RBM6: variants seen among roughly 807,000 people sequenced by gnomAD.
RBM6 encodes the protein RNA-binding protein 6.
Under a neutral mutation model 140.4 loss-of-function variants are expected in RBM6, and 23 were observed. That is an observed-to-expected ratio of 0.16 (90% CI 0.12 to 0.23). The LOEUF (loss-of-function observed/expected upper bound fraction) is 0.23. Ranked by LOEUF, RBM6 falls within the 10% of genes least tolerant of loss-of-function variation. The pLI is 1.00. For synonymous variants in RBM6, 439 were observed against 475.6 expected, an observed-to-expected ratio of 0.92 and a Z score of 1.00; for missense variants, 1,139 against 1,386.7, an observed-to-expected ratio of 0.82 and a Z score of 2.84.
intron 6 of RBM6, among the ~76,000 whole-genome samples, chr3:50,033,227 G>A (rs757938880): frequency 6.6e-6 from 1 of 152,120 alleles, no homozygotes; most frequent in Admixed American, 6.6e-5. Context: ...AACCCGGGAG[G>A]CAGAGGTTGC....
intron 1 of RBM6, among the ~76,000 whole-genome samples, chr3:49,948,514 A>C (rs940003996): frequency 2.6e-5 from 4 of 151,970 alleles, no homozygotes; most frequent in Admixed American, 2.0e-4. Context: ...AGAGATCGAG[A>C]CCATCCTGGC....
At chr3:50,075,372 A>G (rs1409653705) in intron 20 of RBM6, 42 bp downstream of exon 20, 2 of 1,597,614 alleles carry the variant, frequency 1.3e-6, no homozygotes, top group Non-Finnish European at 1.7e-6. Flanking sequence ...ATGAACCTGG[A>G]ATGTAATTAA....
intron 20 of RBM6, 65 bp from the exon 21 acceptor site, chr3:50,076,943 C>G: frequency 2.0e-6 from 3 of 1,499,086 alleles, no homozygotes; most frequent in Non-Finnish European, 2.7e-6. Flanking sequence ...TGCCTGTGGT[C>G]AAAGACCAGC....
At chr3:50,070,678 C>T in intron 19 of RBM6, 126 bp downstream of exon 19, 4 of 702,096 alleles carry the variant, frequency 5.7e-6, no homozygotes, top group Non-Finnish European at 9.9e-6. Context: ...GTCTGAACTG[C>T]TAAAACATGA....
At position 50,057,781 on chromosome 3, in the gene RBM6, A is replaced by C. The variant is rs773583468; in HGVS notation, c.1747A>C (p.Ile583Leu). The C allele has an allele frequency of 6.8e-6, 11 of 1,613,650 alleles. No individual in the cohort carries two copies. The East Asian group carries it at 2.5e-4, about 36-fold the overall frequency. ...ITYPQPQKTSIPAPLEKQPNQ... is the reference protein window; with the variant it reads ...ITYPQPQKTSLPAPLEKQPNQ... ...CTACCCTCAGCCTCAGAAAACATCC[A>C]TACCAGCACCATTGGAAAAACAGCC... The change falls in exon 9 of 21, where the codon ATA (isoleucine) becomes CTA (leucine). Residue 583 changes from isoleucine to leucine, a missense_variant. Coordinates refer to ENST00000266022, the MANE Select transcript of RBM6 (RefSeq NM_005777.3).
In RBM6 at chr3:49,962,697, A is replaced by G. The variant is rs746686825; in HGVS notation, c.44+12A>G. The stretch of plus-strand genomic sequence containing the variant: ...ACTGGACCTTTTCGGTAAGTTCTCA[A>G]ATTTGAATATTGAAATTGCCAGTAT... On this transcript the variant is annotated intron_variant, in intron 2 of 20. Coordinates refer to ENST00000266022, the MANE Select transcript of RBM6 (RefSeq NM_005777.3). 9.6e-6 allele frequency: 15 copies of G among 1,564,040 alleles called. No homozygotes were observed.
chr3:50,037,912 C>T (rs2088641945), intron 6 of RBM6, among the ~76,000 whole-genome samples: 1 of 151,506 alleles, frequency 6.6e-6, no homozygotes, highest in South Asian at 2.1e-4. Flanking sequence ...CCCTCCACCT[C>T]CCAGGTTCAG....
chr3:49,986,457 T>C (rs561074642), intron 5 of RBM6, among the ~76,000 whole-genome samples: 1 of 151,502 alleles, frequency 6.6e-6, no homozygotes, highest in African/African-American at 2.4e-5. Context: ...TAGCCGGGCA[T>C]GGTGGCGGGC....
chr3:50,050,019 G>A (rs2108885393), intron 7 of RBM6, among the ~76,000 whole-genome samples: 1 of 149,664 alleles, frequency 6.7e-6, no homozygotes, highest in African/African-American at 2.5e-5. Context: ...TCTTTTTTTT[G>A]AGACAGGATC....
intron 1 of RBM6, among the ~76,000 whole-genome samples, chr3:49,953,037 T>C (rs1282125147): frequency 6.6e-6 from 1 of 150,918 alleles, no homozygotes; most frequent in Non-Finnish European, 1.5e-5. Flanking sequence ...CATGAGCCAA[T>C]GTGCGCAGCT....
intron 1 of RBM6, among the ~76,000 whole-genome samples, chr3:49,947,725 A>G (rs1461068837): frequency 6.6e-6 from 1 of 152,128 alleles, no homozygotes; most frequent in Non-Finnish European, 1.5e-5. Flanking sequence ...TCTTTGATCC[A>G]ATTTGAGTTA....
intron 17 of RBM6, 124 bp from the exon 18 acceptor site, chr3:50,068,566 C>G (rs2090190360): frequency 6.4e-6 from 5 of 781,834 alleles, no homozygotes; most frequent in Non-Finnish European, 8.2e-6. Flanking sequence ...ATACAGTGAT[C>G]ATTTAGTAGA....
At chr3:50,048,223 G>A in intron 6 of RBM6, 22 bp from the exon 7 acceptor site, 2 of 1,610,468 alleles carry the variant, frequency 1.2e-6, no homozygotes, top group East Asian at 2.2e-5. Flanking sequence ...GATGTTGATG[G>A]CTTCTGTCTT....
chr3:49,953,071 T>G (rs2083808987), intron 1 of RBM6, among the ~76,000 whole-genome samples: 2 of 151,766 alleles, frequency 1.3e-5, no homozygotes, highest in East Asian at 1.9e-4. Flanking sequence ...TTTCTTTTTT[T>G]TTGAGGCAGG....
At chr3:50,076,882 T>TA (rs199553129) in intron 20 of RBM6, 126 bp from the exon 21 acceptor site, 44,022 of 774,396 alleles carry the variant, frequency 0.057, no homozygotes, top group Non-Finnish European at 0.064. Flanking sequence ...TGACTCCATC[T>TA]AAAAAAAAAA....
intron 6 of RBM6, among the ~76,000 whole-genome samples, chr3:50,021,104 G>T (rs1295814128): frequency 6.6e-6 from 1 of 152,150 alleles, no homozygotes; most frequent in African/African-American, 2.4e-5. Context: ...ACTGGAAAAG[G>T]TATGTTTTAT....
intron 14 of RBM6, chr3:50,061,757 A>G (rs1346529864): frequency 3.0e-6 from 4 of 1,326,814 alleles, no homozygotes; most frequent in Non-Finnish European, 4.0e-6. Flanking sequence ...AGGTAAGAAC[A>G]GTGTTGCTCT....
At position 50,015,166 on chromosome 3, in the gene RBM6, G is replaced by A. The variant is rs1482557861; in HGVS notation, c.1557+15653G>A. ...CTGTCACCCAAGCTGGAGTGCAGTA[G>A]CACCATCTTGGCTCACTGCAACCCC... On this transcript the variant is annotated intron_variant, in intron 6 of 20. Coordinates refer to ENST00000266022, the MANE Select transcript of RBM6 (RefSeq NM_005777.3). 4.7e-5 allele frequency among the ~76,000 whole-genome samples: 7 copies of A among 149,674 alleles called. No individual in the cohort carries two copies. The East Asian group carries it at 1.4e-3, about 29-fold the overall frequency.
At chr3:50,034,800 A>G (rs1009427352) in intron 6 of RBM6, among the ~76,000 whole-genome samples, 44 of 152,154 alleles carry the variant, frequency 2.9e-4, no homozygotes, top group African/African-American at 1.0e-3. Flanking sequence ...AGGAACCAAA[A>G]CTTTTATTCT....
Sources: allele counts gnomAD v4.1 joint callset (sites outside exome capture counted in the v4.1 genomes callset), GRCh38; gene constraint gnomAD v4.1.1; transcripts MANE v1.5; gene names NCBI Gene and HGNC (gene_info 2026-07-23, HGNC 2026-07-21).